The following FAAH2 variants were observed in gnomAD, a reference collection of about 807,000 sequenced individuals.
The protein encoded by FAAH2 is fatty-acid amide hydrolase 2.
In FAAH2, 60 loss-of-function variants were observed where a neutral mutation model predicts 36.9. The ratio of observed to expected loss-of-function variants is 1.63; its 90% CI spans 1.32 to 2.02. The LOEUF is 2.02. Among genes scored for constraint, FAAH2 ranks in the 30% most tolerant of loss-of-function variants. FAAH2 has a pLI of 0.00. For synonymous variants in FAAH2, 214 were observed against 143.8 expected (o/e 1.49, Z -3.49); for missense variants, 689 against 397.5 (o/e 1.73, Z -6.23).
chrX:57,192,093 C>T, the FAAH2 span, among the ~76,000 whole-genome samples: 3 of 111,845 alleles, frequency 2.7e-5, no homozygotes, highest in African/African-American at 9.7e-5. Flanking sequence ...ATTGGCCCTT[C>T]AAATCCACAT....
intron 10 of FAAH2, among the ~76,000 whole-genome samples, chrX:57,457,796 G>C (rs1029369358): frequency 9.2e-6 from 1 of 109,222 alleles, no homozygotes; most frequent in Admixed American, 9.9e-5. Flanking sequence ...AGAAATCAGA[G>C]GTAACACAAA....
At chrX:57,339,234 C>G (rs919974909) in intron 4 of FAAH2, among the ~76,000 whole-genome samples, 2 of 112,180 alleles carry the variant, frequency 1.8e-5, no homozygotes, top group Non-Finnish European at 3.8e-5. Flanking sequence ...AAACTGGACC[C>G]TTTCTTTACA....
intron 7 of FAAH2, among the ~76,000 whole-genome samples, chrX:57,414,586 A>C (rs926970608): frequency 3.6e-5 from 4 of 111,515 alleles, no homozygotes; most frequent in African/African-American, 1.3e-4. Flanking sequence ...GTGGTGGATA[A>C]GCTTTTTGAT....
At chrX:57,210,108 G>A in the FAAH2 span, among the ~76,000 whole-genome samples, 21 of 110,776 alleles carry the variant, frequency 1.9e-4, no homozygotes, top group Non-Finnish European at 3.8e-4. Flanking sequence ...CTTCTCAGTG[G>A]TGTAGAGTTA....
chrX:57,181,445 A>G, the FAAH2 span, among the ~76,000 whole-genome samples: 3 of 111,390 alleles, frequency 2.7e-5, no homozygotes, highest in African/African-American at 9.8e-5. Context: ...TACCACCAAC[A>G]GCCAAGCCAA....
the FAAH2 span, among the ~76,000 whole-genome samples, chrX:57,270,779 T>C: frequency 3.6e-5 from 4 of 111,542 alleles, no homozygotes; most frequent in Non-Finnish European, 7.5e-5. Flanking sequence ...GGTCTAAGCC[T>C]GAGGAACTCC....
intron 10 of FAAH2, among the ~76,000 whole-genome samples, chrX:57,461,841 A>C (rs1043868281): frequency 4.5e-5 from 5 of 110,810 alleles, no homozygotes; most frequent in African/African-American, 1.6e-4. Context: ...AACTTTAAAA[A>C]AAATCAATGA....
the FAAH2 span, among the ~76,000 whole-genome samples, chrX:57,258,444 G>A: frequency 9.1e-6 from 1 of 109,932 alleles, no homozygotes; most frequent in Non-Finnish European, 1.9e-5. Flanking sequence ...TAAATAATTG[G>A]GACTATATCA....
At chrX:57,376,808 C>T (rs1481180999) in intron 5 of FAAH2, among the ~76,000 whole-genome samples, 1 of 112,162 alleles carries the variant, frequency 8.9e-6, no homozygotes, top group African/African-American at 3.2e-5. Context: ...CACATTCTCT[C>T]CAGCATCTAT....
chrX:57,324,346 C>T, intron 3 of FAAH2, among the ~76,000 whole-genome samples: 1 of 111,789 alleles, frequency 8.9e-6, no homozygotes, highest in East Asian at 2.8e-4. Context: ...TCCACATGAA[C>T]TTTAAAGTAG....
the FAAH2 span, among the ~76,000 whole-genome samples, chrX:57,248,093 G>A: frequency 2.5e-4 from 28 of 111,998 alleles, no homozygotes; most frequent in African/African-American, 8.8e-4. Context: ...CTCACATGGA[G>A]CTAACATTCT....
the FAAH2 span, among the ~76,000 whole-genome samples, chrX:57,149,194 T>A: frequency 1.8e-4 from 20 of 111,882 alleles, no homozygotes; most frequent in South Asian, 3.8e-4. Context: ...TCAGTGTTCA[T>A]CAAGGATATT....
the FAAH2 span, among the ~76,000 whole-genome samples, chrX:57,179,092 G>A: frequency 9.0e-6 from 1 of 111,546 alleles, no homozygotes; most frequent in African/African-American, 3.3e-5. Flanking sequence ...ATTACCTCCA[G>A]ACCTACCTTG....
At chrX:57,353,314 T>C (rs1298410073) in intron 5 of FAAH2, among the ~76,000 whole-genome samples, 2 of 109,337 alleles carry the variant, frequency 1.8e-5, no homozygotes, top group African/African-American at 6.6e-5. Context: ...CCAAGTGATC[T>C]TTGACAAAGG....
intron 7 of FAAH2, among the ~76,000 whole-genome samples, chrX:57,399,588 C>G (rs888009686): frequency 9.0e-6 from 1 of 111,275 alleles, no homozygotes; most frequent in African/African-American, 3.3e-5. Context: ...GCTTCAATAT[C>G]CACTTGGCGG....
the FAAH2 span, among the ~76,000 whole-genome samples, chrX:57,144,448 G>T: frequency 2.0e-5 from 2 of 99,853 alleles, no homozygotes; most frequent in Non-Finnish European, 4.1e-5. Context: ...AACTCTGTGG[G>T]TTTTTTTTTC....
chrX:57,173,039 A>C, the FAAH2 span, among the ~76,000 whole-genome samples: 3 of 111,799 alleles, frequency 2.7e-5, no homozygotes, highest in Non-Finnish European at 5.6e-5. Context: ...AACCCTATCC[A>C]GGGACCATGC....
intron 7 of FAAH2, among the ~76,000 whole-genome samples, chrX:57,406,348 A>G (rs926732860): frequency 1.8e-5 from 2 of 112,350 alleles, no homozygotes; most frequent in African/African-American, 6.5e-5. Flanking sequence ...CGTTAGCACT[A>G]TGCTGTGTCA....
intron 7 of FAAH2, among the ~76,000 whole-genome samples, chrX:57,397,234 T>A (rs1213773232): frequency 9.0e-6 from 1 of 111,699 alleles, no homozygotes; most frequent in Non-Finnish European, 1.9e-5. Flanking sequence ...CCTATATCTT[T>A]TAAGTGCAGT....
Sources: allele counts gnomAD v4.1 joint callset (sites outside exome capture counted in the v4.1 genomes callset), GRCh38; gene constraint gnomAD v4.1.1; transcripts MANE v1.5; gene names NCBI Gene and HGNC (gene_info 2026-07-23, HGNC 2026-07-21).